Variants in C21orf58 observed in about 807,000 individuals in gnomAD.
C21orf58 encodes the protein uncharacterized protein C21orf58.
A neutral mutation model predicts 35.8 loss-of-function variants in C21orf58; 34 were observed. The observed-to-expected ratio is 0.95, with a 90% CI of 0.72 to 1.26. The LOEUF (loss-of-function observed/expected upper bound fraction) is 1.26. Ranked by LOEUF, C21orf58 falls within the 50% of genes most tolerant of loss-of-function variation. The probability of loss-of-function intolerance (pLI) is 0.00; values close to 1 mark genes in which losing one functional copy is unlikely to be tolerated. For missense variants in C21orf58, 440 were observed against 414.3 expected, an observed-to-expected ratio of 1.06 and a Z score of -0.54; for synonymous variants, 191 against 175.8, an observed-to-expected ratio of 1.09 and a Z score of -0.68.
At chr21:46,316,178 AG>A (rs1175501666) in intron 3 of C21orf58, among the ~76,000 whole-genome samples, 1 of 151,910 alleles carries the variant, frequency 6.6e-6, no homozygotes, top group Non-Finnish European at 1.5e-5. Context: ...AAATCTGGCC[AG>A]GTGCAGTGAG....
intron 1 of C21orf58, chr21:46,322,375 G>A (rs2083197628): frequency 2.2e-6 from 2 of 912,234 alleles, no homozygotes; most frequent in Non-Finnish European, 2.6e-6. Context: ...CGACTCTGGG[G>A]TTCTGAGGAA....
At chr21:46,303,741 ATATATTTTTTTTTTTT>A (rs1413037181) in intron 6 of C21orf58, among the ~76,000 whole-genome samples, 1,089 of 24,258 alleles carry the variant, frequency 0.045, 31 homozygotes, top group African/African-American at 0.085. Flanking sequence ...ATATATATAT[ATATATTTTTTTTTTTT>A]TTTTTTTTTT....
In C21orf58 at chr21:46,317,281, G is replaced by C. The variant is rs1173788598; in HGVS notation, c.310-13C>G. The C allele has an allele frequency of 5.0e-6, 8 of 1,610,328 alleles. No homozygotes were observed. In the South Asian group the frequency reaches 8.8e-5, roughly 18 times the overall value. Reference sequence around the variant, plus strand: ...CTTGCTCCAGCTTCTGTGAGGAAGAGAGACCGTGACAGAGACGGTGGCTCC... The same window carrying C: ...CTTGCTCCAGCTTCTGTGAGGAAGACAGACCGTGACAGAGACGGTGGCTCC... On this transcript the variant is annotated splice_polypyrimidine_tract_variant and intron_variant, in intron 2 of 7. Coordinates refer to ENST00000291691, the MANE Select transcript of C21orf58 (RefSeq NM_058180.5).
rs970925797 is a variant in C21orf58 at position 46,315,342 on chromosome 21, C to T, written c.444+132G>A. The T allele has an allele frequency of 9.0e-6, 6 of 665,300 alleles. No individual in the cohort carries two copies. In the Admixed American group the frequency reaches 1.2e-4, roughly 13 times the overall value. The allele number at this position is 665,300 out of a possible 1,614,324, so 41.2% of individuals were successfully genotyped here. A position where few individuals can be genotyped will look rare whatever the true frequency, so the allele number is the denominator to read the frequency against. On this transcript the variant is annotated intron_variant, in intron 4 of 7. Transcript: ENST00000291691. ...AGGCAGGTCTCTAAGCTAACAGTGT[C>T]CTTGCTGGGGCCTGGCCCTGAGAGT... is the stretch of plus-strand genomic sequence containing the variant.
In C21orf58 at chr21:46,317,228, T is replaced by A; in HGVS notation, c.350A>T (p.Glu117Val). Reference sequence around the variant, plus strand: ...CTCACCTGGCTCGAGGTGGAGGCCCTCAGGTCCCCCTTCCACGTTCTGCCG... The same window carrying A: ...CTCACCTGGCTCGAGGTGGAGGCCCACAGGTCCCCCTTCCACGTTCTGCCG... ...QERQNVEGGP[E>V]GLHLEPGNED... is the part of the protein sequence containing the mutation. The change falls in exon 3 of 8, where the codon GAG becomes GTG. Residue 117 changes from glutamate (E) to valine (V), a missense_variant. By Grantham distance (121) the Glu-to-Val change is moderately radical (BLOSUM62 -2). Transcript: ENST00000291691. 6.2e-7 allele frequency: 1 copy of A among 1,611,594 alleles called. No homozygotes were observed. The highest frequency in any genetic ancestry group is 8.5e-7 in the Non-Finnish European group (1 of 1,179,688).
rs555170044 is a variant in C21orf58 at position 46,308,280 on chromosome 21, G to A, written c.721+3176C>T. Among the ~76,000 whole-genome samples the A allele has an allele frequency of 2.3e-3, 345 of 152,168 alleles. 2 individuals are homozygous for A. Among genetic ancestry groups the A allele is most frequent in the African/African-American group, 8.0e-3 (333 of 41,554 alleles). ...GTTCGAGACCAGCCTGGCCAACATG[G>A]AGAAACCCCGTCTCTACTAAAAATA... On this transcript the variant is annotated intron_variant, in intron 6 of 7. Transcript: ENST00000291691.
At chr21:46,314,412 C>T (rs2082878792) in intron 5 of C21orf58, among the ~76,000 whole-genome samples, 1 of 152,146 alleles carries the variant, frequency 6.6e-6, no homozygotes, top group Admixed American at 6.5e-5. Flanking sequence ...CACACTTCCC[C>T]AAATTCAGGG....
intron 6 of C21orf58, 107 bp from the exon 7 acceptor site, chr21:46,302,683 C>T: frequency 1.1e-6 from 1 of 892,162 alleles, no homozygotes; most frequent in Non-Finnish European, 1.8e-6. Flanking sequence ...GTACACTGTG[C>T]AGGTCCCCGG....
chr21:46,305,886 G>A (rs1191443510), intron 6 of C21orf58, among the ~76,000 whole-genome samples: 2 of 152,030 alleles, frequency 1.3e-5, no homozygotes, highest in African/African-American at 2.4e-5. Flanking sequence ...AGCTTGCAGT[G>A]AGCTGAGATT....
At chr21:46,304,277 G>T (rs1451698294) in intron 6 of C21orf58, among the ~76,000 whole-genome samples, 2 of 151,900 alleles carry the variant, frequency 1.3e-5, no homozygotes, top group Non-Finnish European at 2.9e-5. Context: ...TGATCTGCCC[G>T]CCTCGGCCTC....
intron 5 of C21orf58, 151 bp downstream of exon 5, chr21:46,314,565 A>T: frequency 1.6e-6 from 1 of 613,788 alleles, no homozygotes; most frequent in Non-Finnish European, 2.8e-6. Context: ...GTGCCCAGGC[A>T]GGCAGCTGGC....
intron 1 of C21orf58, chr21:46,318,804 G>C (rs1034155061): frequency 1.0e-6 from 1 of 986,916 alleles, no homozygotes; most frequent in African/African-American, 1.7e-5. Flanking sequence ...GGGGGCACTG[G>C]GCAGGGAGTC....
intron 1 of C21orf58, chr21:46,318,863 C>A: frequency 1.0e-6 from 1 of 986,906 alleles, no homozygotes; most frequent in South Asian, 4.7e-5. Flanking sequence ...GGAGCGTGGT[C>A]TGCACTTGGT....
At chr21:46,303,743 A>T (rs1462328339) in intron 6 of C21orf58, among the ~76,000 whole-genome samples, 366 of 19,420 alleles carry the variant, frequency 0.019, 2 homozygotes, top group Non-Finnish European at 0.032. Flanking sequence ...ATATATATAT[A>T]TATTTTTTTT....
At chr21:46,315,300 G>T in intron 4 of C21orf58, 174 bp downstream of exon 4, 1 of 603,166 alleles carries the variant, frequency 1.7e-6, no homozygotes, top group Admixed American at 2.9e-5. Context: ...TTCCAGTCCT[G>T]ATGGAAACCT....
At chr21:46,317,808 C>T (rs374063176) in intron 2 of C21orf58, among the ~76,000 whole-genome samples, 10 of 152,346 alleles carry the variant, frequency 6.6e-5, no homozygotes, top group African/African-American at 2.2e-4. Flanking sequence ...CAGTGGCCTG[C>T]GAGGACAGGC....
intron 6 of C21orf58, among the ~76,000 whole-genome samples, chr21:46,302,926 G>A (rs1233820760): frequency 7.1e-6 from 1 of 140,992 alleles, no homozygotes; most frequent in East Asian, 2.2e-4. Flanking sequence ...TCTGCACACG[G>A]TGCGGGTCCC....
intron 5 of C21orf58, 180 bp from the exon 6 acceptor site, chr21:46,311,747 C>A: frequency 2.3e-6 from 1 of 441,092 alleles, no homozygotes; most frequent in Non-Finnish European, 4.2e-6. Context: ...AACCATCCAC[C>A]CACTCATCCA....
At chr21:46,318,847 A>T in intron 1 of C21orf58, 1 of 987,726 alleles carries the variant, frequency 1.0e-6, no homozygotes. Flanking sequence ...AGGGTGACGC[A>T]AAACAGGAGC....
Sources: gnomAD v4.1 joint callset for allele counts (sites outside exome capture counted in the v4.1 genomes callset) on GRCh38, gnomAD v4.1.1 for gene constraint, MANE v1.5 for transcripts, NCBI Gene and HGNC (gene_info 2026-07-23, HGNC 2026-07-21) for gene names.